The following MAP4K4 variants were observed in gnomAD, a reference collection of about 807,000 sequenced individuals.
MAP4K4 encodes the protein mitogen-activated protein kinase kinase kinase kinase 4.
Under a neutral mutation model 189.6 loss-of-function variants are expected in MAP4K4, and 38 were observed. The observed-to-expected ratio is 0.20, with a 90% CI of 0.15 to 0.26. The LOEUF (loss-of-function observed/expected upper bound fraction) is 0.26, where lower values mean the gene tolerates loss of function less well. Ranked by LOEUF, MAP4K4 falls within the 10% of genes least tolerant of loss-of-function variation. The pLI is 1.00. For missense variants in MAP4K4, 1,054 were observed against 1,726.9 expected, an observed-to-expected ratio of 0.61 and a Z score of 6.91; for synonymous variants, 610 against 624.3, an observed-to-expected ratio of 0.98 and a Z score of 0.34.
intron 3 of MAP4K4, among the ~76,000 whole-genome samples, chr2:101,797,788 C>G: frequency 6.7e-6 from 1 of 149,534 alleles, no homozygotes; most frequent in African/African-American, 2.5e-5. Flanking sequence ...ATTTTGAGAA[C>G]TAATAGTTCC....
intron 10 of MAP4K4, among the ~76,000 whole-genome samples, chr2:101,842,236 T>C (rs2096940266): frequency 6.6e-6 from 1 of 152,220 alleles, no homozygotes; most frequent in South Asian, 2.1e-4. Context: ...AGCAGTTACA[T>C]ATCTTTTTGA....
intron 2 of MAP4K4, among the ~76,000 whole-genome samples, chr2:101,725,234 C>T (rs184751910): frequency 6.6e-6 from 1 of 152,182 alleles, no homozygotes; most frequent in Non-Finnish European, 1.5e-5. Flanking sequence ...CAGAATAGCT[C>T]AGTACAAGGA....
At chr2:101,776,442 G>A (rs1348178210) in intron 2 of MAP4K4, among the ~76,000 whole-genome samples, 2 of 151,992 alleles carry the variant, frequency 1.3e-5, no homozygotes, top group African/African-American at 4.8e-5. Context: ...TTGTTTTCTT[G>A]GGCCTAGTCT....
intron 2 of MAP4K4, among the ~76,000 whole-genome samples, chr2:101,736,776 G>A (rs1275229943): frequency 6.6e-6 from 1 of 152,092 alleles, no homozygotes; most frequent in Non-Finnish European, 1.5e-5. Flanking sequence ...TGTAAGTTCT[G>A]GGTTGCAGAG....
intron 5 of MAP4K4, among the ~76,000 whole-genome samples, chr2:101,827,006 G>A (rs1346724132): frequency 6.6e-6 from 1 of 152,074 alleles, no homozygotes; most frequent in African/African-American, 2.4e-5. Context: ...TTAGCATAAT[G>A]TCCTAGGCAT....
intron 2 of MAP4K4, among the ~76,000 whole-genome samples, chr2:101,701,513 G>T (rs1040050599): frequency 6.6e-6 from 1 of 152,132 alleles, no homozygotes; most frequent in African/African-American, 2.4e-5. Flanking sequence ...GTTGGAATTG[G>T]GGATCCCTGA....
chr2:101,781,662 C>T (rs1382773742), intron 2 of MAP4K4, among the ~76,000 whole-genome samples: 2 of 152,090 alleles, frequency 1.3e-5, no homozygotes. Flanking sequence ...CTCATGAGGC[C>T]CCAGCTCCCA....
rs371255020 is a variant in MAP4K4, at chr2:101,881,569, G to T, written c.3386-982G>T. Among the ~76,000 whole-genome samples the T allele has an allele frequency of 7.4e-4, 112 of 152,186 alleles. 3 individuals carry two copies. The South Asian group carries it at 0.021, about 29-fold the overall frequency. ...GGACACCCAATATAACATTTACTAG[G>T]AGTTATGAGAAGGGAAATCCTTCAC... is the stretch of plus-strand genomic sequence containing the variant. On this transcript the variant is annotated intron_variant, in intron 27 of 32. Coordinates refer to ENST00000324219, the Ensembl canonical transcript of MAP4K4.
intron 16 of MAP4K4, among the ~76,000 whole-genome samples, chr2:101,862,435 G>A (rs2097693730): frequency 6.6e-6 from 1 of 151,904 alleles, no homozygotes; most frequent in South Asian, 2.1e-4. Context: ...AATTAAAAGA[G>A]GATGAGAAGA....
At chr2:101,738,154 GC>G (rs923622980) in intron 2 of MAP4K4, among the ~76,000 whole-genome samples, 2 of 152,122 alleles carry the variant, frequency 1.3e-5, no homozygotes, top group African/African-American at 4.8e-5. Context: ...AGAAGAGAAA[GC>G]CCCTTGTACT....
chr2:101,861,791 T>G (rs2097664307), intron 16 of MAP4K4: 1 of 152,186 alleles, frequency 6.6e-6, no homozygotes, highest in Admixed American at 6.5e-5. Context: ...TTTAGATATT[T>G]TCCCGCTTGC....
intron 2 of MAP4K4, among the ~76,000 whole-genome samples, chr2:101,726,649 CTT>C (rs1377812065): frequency 6.6e-6 from 1 of 152,082 alleles, no homozygotes; most frequent in Non-Finnish European, 1.5e-5. Context: ...TTAGAACTAA[CTT>C]TATTTTGGAC....
chr2:101,851,439 A>G (rs1010909169), intron 12 of MAP4K4, among the ~76,000 whole-genome samples: 2 of 152,214 alleles, frequency 1.3e-5, no homozygotes, highest in Non-Finnish European at 2.9e-5. Flanking sequence ...TAAGGTTAAC[A>G]GTACAGACTG....
intron 2 of MAP4K4, among the ~76,000 whole-genome samples, chr2:101,709,175 C>T (rs577102928): frequency 6.6e-6 from 1 of 152,138 alleles, no homozygotes; most frequent in African/African-American, 2.4e-5. Flanking sequence ...TTATCTTCCC[C>T]AGTCTTATTA....
chr2:101,864,022 A>G (rs2097748935), exon 17 of MAP4K4: 1 of 1,366,580 alleles, frequency 7.3e-7, no homozygotes, highest in African/African-American at 1.5e-5. Flanking sequence ...GGCTTGGTCT[A>G]GATCAGACAG....
Position 101,811,370 on chromosome 2 carries a change from CAAAA to C in MAP4K4, c.181-12540_181-12537del, listed in dbSNP as rs71378177. Among the ~76,000 whole-genome samples the C allele has an allele frequency of 8.7e-5, 6 of 68,908 alleles. No homozygotes were observed. The East Asian group carries it at 2.1e-3, about 24-fold the overall frequency. The allele number at this position is 68,908 out of a possible 152,430, so 45.2% of individuals were successfully genotyped here. A position where few individuals can be genotyped will look rare whatever the true frequency, so the allele number is the denominator to read the frequency against. On this transcript the variant is annotated intron_variant, in intron 3 of 32. Coordinates refer to ENST00000324219, the Ensembl canonical transcript of MAP4K4. Reference sequence around the variant, plus strand: ...ATGGCGACAGAGTGAGACTGCGTCTCAAAAAAAAAAAAAAAAAAAAAGAATGTGG... The same window carrying C: ...ATGGCGACAGAGTGAGACTGCGTCTCAAAAAAAAAAAAAAAAAGAATGTGG...
intron 12 of MAP4K4, among the ~76,000 whole-genome samples, chr2:101,850,418 G>A (rs569124187): frequency 1.2e-4 from 18 of 152,256 alleles, no homozygotes; most frequent in African/African-American, 3.8e-4. Flanking sequence ...TCTTGGTTCC[G>A]AAATTTAGAA....
At chr2:101,840,023 T>G (rs2096868675) in intron 10 of MAP4K4, 29 bp downstream of exon 10, 1 of 1,558,890 alleles carries the variant, frequency 6.4e-7, no homozygotes. Context: ...TTTTCATCCT[T>G]TAAAATTTTT....
rs145098812 is a variant in MAP4K4 at position 101,880,377 on chromosome 2, A to G, written c.3386-2174A>G. The stretch of plus-strand genomic sequence containing the variant: ...TTGAATTGATATTTGTGAAAGTTTC[A>G]AAGTTTGTGTAGATTTATTTTCTTT... On this transcript the variant is annotated intron_variant, in intron 27 of 32. Transcript: ENST00000324219. 4.5e-3 allele frequency among the ~76,000 whole-genome samples: 682 copies of G among 152,292 alleles called. 5 individuals carry two copies. The highest frequency in any genetic ancestry group is 0.015 in the African/African-American group (642 of 41,550).
Sources: allele counts gnomAD v4.1 joint callset (sites outside exome capture counted in the v4.1 genomes callset), GRCh38; gene constraint gnomAD v4.1.1; transcripts MANE v1.5; gene names NCBI Gene and HGNC (gene_info 2026-07-23, HGNC 2026-07-21).